The following GABPA variants were observed in gnomAD, a reference collection of about 807,000 sequenced individuals.
GABPA encodes the protein GA binding protein transcription factor subunit alpha, also known as GA-binding protein alpha chain.
Under a neutral mutation model 59.4 loss-of-function variants are expected in GABPA, and 4 were observed. The ratio of observed to expected loss-of-function variants is 0.07; its 90% CI spans 0.03 to 0.15. GABPA has a LOEUF of 0.15. Ranked by LOEUF, GABPA falls within the 10% of genes least tolerant of loss-of-function variation. The probability of loss-of-function intolerance (pLI) is 1.00; values close to 1 mark genes in which losing one functional copy is unlikely to be tolerated. For synonymous variants in GABPA, 164 were observed against 183.1 expected, an observed-to-expected ratio of 0.90 and a Z score of 0.84; for missense variants, 251 against 543.8, an observed-to-expected ratio of 0.46 and a Z score of 5.36.
At chr21:25,741,739 A>T in intron 2 of GABPA, 64 bp downstream of exon 2, 1 of 1,028,656 alleles carries the variant, frequency 9.7e-7, no homozygotes, top group Non-Finnish European at 1.5e-6. Context: ...AAACCAGGAA[A>T]CAAGTCATAG....
At chr21:25,752,268 T>TAA in intron 5 of GABPA, 34 bp downstream of exon 5, 1 of 1,600,814 alleles carries the variant, frequency 6.2e-7, no homozygotes, top group Non-Finnish European at 8.5e-7. Flanking sequence ...TTGGGTAGAA[T>TAA]AATAGGAATT....
In GABPA at chr21:25,735,029, G is replaced by T. The variant is rs756849107; in HGVS notation, c.-576G>T. 2 of 1,488,524 alleles carry T rather than the reference G, an allele frequency of 1.3e-6. No homozygotes were observed. The highest frequency in any genetic ancestry group is 1.8e-6 in the Non-Finnish European group (2 of 1,097,334). 92.2% of individuals were successfully genotyped at this position (1,488,524 alleles called of 1,614,324 possible). On this transcript the variant is annotated 5_prime_UTR_variant, in exon 1 of 10. Transcript: ENST00000400075. Reference sequence around the variant, plus strand: ...TCGGAGACAGTCTGCGACCGGACGGGTCTAGGTGAGACAGAAGCCAAACAG... The same window carrying T: ...TCGGAGACAGTCTGCGACCGGACGGTTCTAGGTGAGACAGAAGCCAAACAG...
At chr21:25,745,065 A>G in intron 2 of GABPA, 145 bp from the exon 3 acceptor site, 2 of 764,546 alleles carry the variant, frequency 2.6e-6, no homozygotes, top group East Asian at 5.4e-5. Context: ...CTAGTTGGTG[A>G]TGAGCCTGCC....
intron 3 of GABPA, among the ~76,000 whole-genome samples, chr21:25,746,831 G>A (rs1267783565): frequency 6.6e-6 from 1 of 152,124 alleles, no homozygotes; most frequent in African/African-American, 2.4e-5. Context: ...ATGCTCACTT[G>A]GGTAGGTAAA....
At chr21:25,762,812 A>G in intron 7 of GABPA, 1 of 183,984 alleles carries the variant, frequency 5.4e-6, no homozygotes. Flanking sequence ...AAATGAAGAA[A>G]AAAGGCCAAG....
chr21:25,748,529 G>A (rs985572781), intron 3 of GABPA, among the ~76,000 whole-genome samples: 1 of 152,156 alleles, frequency 6.6e-6, no homozygotes, highest in Non-Finnish European at 1.5e-5. Flanking sequence ...TTCATAGCTA[G>A]GTTAGGTAGT....
chr21:25,750,320 G>A (rs2035477723), intron 4 of GABPA, among the ~76,000 whole-genome samples: 2 of 152,182 alleles, frequency 1.3e-5, no homozygotes, highest in Non-Finnish European at 2.9e-5. Flanking sequence ...CCTGTTGTGT[G>A]GTCTGTGGCC....
intron 7 of GABPA, among the ~76,000 whole-genome samples, chr21:25,763,635 T>G (rs1321821432): frequency 6.6e-6 from 1 of 152,210 alleles, no homozygotes; most frequent in Admixed American, 6.5e-5. Context: ...AAATAATACA[T>G]TGTACATATT....
intron 3 of GABPA, among the ~76,000 whole-genome samples, chr21:25,747,019 G>C (rs951985720): frequency 6.6e-6 from 1 of 152,090 alleles, no homozygotes; most frequent in African/African-American, 2.4e-5. Flanking sequence ...ATTCTCTCAC[G>C]TAATCTTCAC....
chr21:25,763,060 GCTAGAAGTACAGT>G (rs2035802694), intron 7 of GABPA: 2 of 389,298 alleles, frequency 5.1e-6, no homozygotes, highest in Admixed American at 6.7e-5. Context: ...TACTGTACTT[GCTAGAAGTACAGT>G]CTAGAAGAGT....
chr21:25,749,749 T>C (rs1029561660), intron 4 of GABPA, among the ~76,000 whole-genome samples: 7 of 152,190 alleles, frequency 4.6e-5, no homozygotes, highest in African/African-American at 1.7e-4. Context: ...GAAAATCACT[T>C]GAACCCAGGA....
chr21:25,756,034 A>G (rs900949595), intron 5 of GABPA, among the ~76,000 whole-genome samples: 9 of 152,264 alleles, frequency 5.9e-5, no homozygotes, highest in African/African-American at 2.2e-4. Context: ...CTTTGTACTC[A>G]TGTTCCTATG....
At chr21:25,749,257 T>C (rs1207927524) in intron 4 of GABPA, 137 bp downstream of exon 4, 1 of 614,884 alleles carries the variant, frequency 1.6e-6, no homozygotes, top group East Asian at 2.8e-5. Flanking sequence ...GCTTTGGGTT[T>C]AGTAGTTTTA....
rs1015434762 is a variant in GABPA, at chr21:25,735,025, A to T, written c.-580A>T. On this transcript the variant is annotated 5_prime_UTR_variant, in exon 1 of 10. Transcript: ENST00000400075. ...CGTCTCGGAGACAGTCTGCGACCGGACGGGTCTAGGTGAGACAGAAGCCAA... is the reference window on the plus strand; with the variant it reads ...CGTCTCGGAGACAGTCTGCGACCGGTCGGGTCTAGGTGAGACAGAAGCCAA... The T allele has an allele frequency of 3.5e-5, 53 of 1,513,264 alleles. No homozygotes were observed. The highest frequency in any genetic ancestry group is 4.5e-5 in the Non-Finnish European group (50 of 1,119,364). The allele number at this position is 1,513,264 out of a possible 1,614,324, so 93.7% of individuals were successfully genotyped here. A position where few individuals can be genotyped will look rare whatever the true frequency, so the allele number is the denominator to read the frequency against.
intron 6 of GABPA, among the ~76,000 whole-genome samples, chr21:25,760,553 A>G (rs2035741182): frequency 1.3e-5 from 2 of 151,328 alleles, no homozygotes; most frequent in Non-Finnish European, 2.9e-5. Flanking sequence ...CCCACTATAC[A>G]TGGGAGGATA....
rs71649700 is a variant in GABPA at position 25,752,736 on chromosome 21, T to A, written c.553+502T>A. ...GAAAATGGAGTGGTTAAGGAGTTAC[T>A]CTGTAGCATTACAGAACTGTTTTTG... On this transcript the variant is annotated intron_variant, in intron 5 of 9. Transcript: ENST00000400075. 8.8e-3 allele frequency among the ~76,000 whole-genome samples: 1,337 copies of A among 152,308 alleles called. 11 individuals are homozygous for A. Among genetic ancestry groups the A allele is most frequent in the African/African-American group, 0.029 (1,223 of 41,580 alleles).
intron 3 of GABPA, among the ~76,000 whole-genome samples, chr21:25,747,687 T>C (rs563863751): frequency 6.6e-6 from 1 of 152,300 alleles, no homozygotes; most frequent in East Asian, 1.9e-4. Context: ...AATACCAGGC[T>C]TGAGTTTTGT....
intron 5 of GABPA, among the ~76,000 whole-genome samples, chr21:25,754,599 T>A (rs2035588476): frequency 6.6e-6 from 1 of 152,040 alleles, no homozygotes; most frequent in South Asian, 2.1e-4. Flanking sequence ...CCTACTTCTC[T>A]GAGTATATTG....
intron 6 of GABPA, among the ~76,000 whole-genome samples, chr21:25,759,865 T>G (rs112027490): frequency 2.0e-5 from 3 of 152,318 alleles, no homozygotes; most frequent in African/African-American, 7.2e-5. Context: ...AGATGGTAGT[T>G]TCATTTTTCC....
Sources: allele counts gnomAD v4.1 joint callset (sites outside exome capture counted in the v4.1 genomes callset), GRCh38; gene constraint gnomAD v4.1.1; transcripts MANE v1.5; gene names NCBI Gene and HGNC (gene_info 2026-07-23, HGNC 2026-07-21).